Variants in ZC3H7B observed in about 807,000 individuals in gnomAD.
ZC3H7B encodes zinc finger CCCH-type containing 7B.
In ZC3H7B, 35 loss-of-function variants were observed where a neutral mutation model predicts 116.0. That is an observed-to-expected ratio of 0.30 (90% CI 0.23 to 0.40). ZC3H7B has a LOEUF of 0.40. Among genes scored for constraint, ZC3H7B ranks in the 10% least tolerant of loss-of-function variants. ZC3H7B has a pLI of 1.00. For missense variants in ZC3H7B, 1,011 were observed against 1,321.5 expected, an observed-to-expected ratio of 0.77 and a Z score of 3.64; for synonymous variants, 502 against 545.6, an observed-to-expected ratio of 0.92 and a Z score of 1.11.
At position 41,302,436 on chromosome 22, in the gene ZC3H7B, C is replaced by A. The variant is rs1019920215; in HGVS notation, c.-7+664C>A. Among the ~76,000 whole-genome samples the A allele has an allele frequency of 6.6e-6, 1 of 152,116 alleles. No individual in the cohort carries two copies. The highest frequency in any genetic ancestry group is 2.4e-5 in the African/African-American group (1 of 41,444). ...AGGGGGGCGTTTCCGGTCGCAGGATCAGTCTCTGGACTTCGAGGCCTGTGG... is the reference window on the plus strand; with the variant it reads ...AGGGGGGCGTTTCCGGTCGCAGGATAAGTCTCTGGACTTCGAGGCCTGTGG... On this transcript the variant is annotated intron_variant, in intron 1 of 22. Transcript: ENST00000352645. The surrounding 1 kb of genome is among the most constrained non-coding windows in gnomAD (Gnocchi z 5.7).
intron 1 of ZC3H7B, among the ~76,000 whole-genome samples, chr22:41,319,231 C>T (rs1207784588): frequency 1.3e-5 from 2 of 152,162 alleles, no homozygotes; most frequent in African/African-American, 2.4e-5. Context: ...GAAACCCCCT[C>T]TCTACTAAAA....
chr22:41,303,365 G>A (rs2035998885), intron 1 of ZC3H7B, among the ~76,000 whole-genome samples: 1 of 152,198 alleles, frequency 6.6e-6, no homozygotes, highest in Non-Finnish European at 1.5e-5. Context: ...GTATAGGTTA[G>A]ACAGGAATGG....
At chr22:41,303,534 G>A (rs2036001714) in intron 1 of ZC3H7B, among the ~76,000 whole-genome samples, 1 of 152,086 alleles carries the variant, frequency 6.6e-6, no homozygotes, top group Admixed American at 6.6e-5. Flanking sequence ...TCACTTTTTA[G>A]TTTATAACAA....
chr22:41,339,309 C>T, intron 9 of ZC3H7B, 118 bp downstream of exon 9: 1 of 1,242,950 alleles, frequency 8.0e-7, no homozygotes. Context: ...GAGGAGGCCT[C>T]AGTAGGGACT....
intron 2 of ZC3H7B, among the ~76,000 whole-genome samples, chr22:41,322,746 C>T (rs1455729322): frequency 6.6e-6 from 1 of 152,102 alleles, no homozygotes; most frequent in African/African-American, 2.4e-5. Context: ...CCTCTATGTT[C>T]CCTTATATAC....
At chr22:41,306,097 C>T (rs1463920804) in intron 1 of ZC3H7B, among the ~76,000 whole-genome samples, 1 of 152,148 alleles carries the variant, frequency 6.6e-6, no homozygotes, top group Admixed American at 6.6e-5. Flanking sequence ...TCACCTGGTA[C>T]AGCCACAGTC....
In ZC3H7B at chr22:41,357,598, C is replaced by A; in HGVS notation, c.*169C>A. 1 of 966,200 alleles carries A rather than the reference C, an allele frequency of 1.0e-6. No individual in the cohort carries two copies. Among genetic ancestry groups the A allele is most frequent in the Non-Finnish European group, 1.5e-6 (1 of 673,866 alleles). 59.9% of individuals were successfully genotyped at this position (966,200 alleles called of 1,614,324 possible). The stretch of plus-strand genomic sequence containing the variant: ...TTCTCCCCACCACCGCCCCGGTGTG[C>A]GTACCCAGGCGCACGTGCTGCAGCC... On this transcript the variant is annotated 3_prime_UTR_variant, in exon 23 of 23. Coordinates refer to ENST00000352645, the MANE Select transcript of ZC3H7B (RefSeq NM_017590.6). The surrounding 1 kb of genome is among the most constrained non-coding windows in gnomAD (Gnocchi z 5.4).
At chr22:41,309,611 G>A (rs1258824275) in intron 1 of ZC3H7B, among the ~76,000 whole-genome samples, 1 of 152,098 alleles carries the variant, frequency 6.6e-6, no homozygotes, top group African/African-American at 2.4e-5. Flanking sequence ...CACCGCATCC[G>A]GCCCTAATGT....
At chr22:41,332,402 C>A in intron 7 of ZC3H7B, 175 bp downstream of exon 7, 1 of 763,902 alleles carries the variant, frequency 1.3e-6, no homozygotes, top group Admixed American at 2.5e-5. Flanking sequence ...CTGCTGTTGG[C>A]AGGGAGTGGT....
intron 1 of ZC3H7B, among the ~76,000 whole-genome samples, 176 bp downstream of exon 1, chr22:41,301,948 CA>C (rs2035971380): frequency 6.6e-6 from 1 of 151,898 alleles, no homozygotes; most frequent in South Asian, 2.1e-4. Flanking sequence ...TGGGATTTTG[CA>C]AAAAATAAAT....
Position 41,302,418 on chromosome 22 carries a change from C to A in ZC3H7B, c.-7+646C>A, listed in dbSNP as rs889598432. On this transcript the variant is annotated intron_variant, in intron 1 of 22. Coordinates refer to ENST00000352645, the MANE Select transcript of ZC3H7B (RefSeq NM_017590.6). This position sits in a 1 kb window ranked among gnomAD's most constrained non-coding sequence, Gnocchi z 5.7. ...GGTCTGGGCCTGCTGGGCAGGGGGGCGTTTCCGGTCGCAGGATCAGTCTCT... is the reference window on the plus strand; with the variant it reads ...GGTCTGGGCCTGCTGGGCAGGGGGGAGTTTCCGGTCGCAGGATCAGTCTCT... Among the ~76,000 whole-genome samples, 1 of 152,038 alleles carries A rather than the reference C, an allele frequency of 6.6e-6. No individual in the cohort carries two copies. The highest frequency in any genetic ancestry group is 1.5e-5 in the Non-Finnish European group (1 of 67,964).
chr22:41,338,209 C>T lies in ZC3H7B; in HGVS notation c.583-104C>T. On this transcript the variant is annotated intron_variant, in intron 7 of 22. Coordinates refer to ENST00000352645, the MANE Select transcript of ZC3H7B (RefSeq NM_017590.6). This position sits in a 1 kb window ranked among gnomAD's most constrained non-coding sequence, Gnocchi z 4.5. ...ATCTCCCCTGGCACTCTAAGTGCTC[C>T]TCGGTGCTGGGTCAACAGCATAGTC... 7.9e-7 allele frequency: 1 copy of T among 1,260,640 alleles called. No individual in the cohort carries two copies. The highest frequency in any genetic ancestry group is 1.1e-6 in the Non-Finnish European group (1 of 897,816). 78.1% of individuals were successfully genotyped at this position (1,260,640 alleles called of 1,614,324 possible).
chr22:41,329,954 G>A lies in ZC3H7B; in HGVS notation c.445-69G>A, dbSNP rs185362051. On this transcript the variant is annotated intron_variant, in intron 5 of 22. Coordinates refer to ENST00000352645, the MANE Select transcript of ZC3H7B (RefSeq NM_017590.6). ...TGACCTCCCTCCGTAGGGCTGCACAGGTGTCCAGGAGCACAGCTTTGTGAG... is the reference window on the plus strand; with the variant it reads ...TGACCTCCCTCCGTAGGGCTGCACAAGTGTCCAGGAGCACAGCTTTGTGAG... 34 of 1,544,610 alleles carry A rather than the reference G, an allele frequency of 2.2e-5. No individual in the cohort carries two copies. The Admixed American group carries it at 5.4e-4, about 25-fold the overall frequency.
At position 41,343,421 on chromosome 22, in the gene ZC3H7B, G is replaced by C. The variant is rs772273218; in HGVS notation, c.1304G>C (p.Arg435Pro). 8.1e-6 allele frequency: 13 copies of C among 1,609,720 alleles called. No individual in the cohort carries two copies. Among genetic ancestry groups the C allele is most frequent in the Non-Finnish European group, 9.3e-6 (11 of 1,177,024 alleles). The change falls in exon 13 of 23, where the codon CGG (arginine) becomes CCG (proline). Residue 435 changes from arginine to proline, a missense_variant. Transcript: ENST00000352645. ...CQLCYPKTGPRAGDYTYREGL... is the reference protein window; with the variant it reads ...CQLCYPKTGPPAGDYTYREGL... ...GTGTCCACCCTGCCCATAGGCCCCCGGGCTGGCGACTACACCTACCGTGAG... is the reference window on the plus strand; with the variant it reads ...GTGTCCACCCTGCCCATAGGCCCCCCGGCTGGCGACTACACCTACCGTGAG...
At position 41,339,722 on chromosome 22, in the gene ZC3H7B, G is replaced by C. The variant is rs955604252; in HGVS notation, c.817-94G>C. ...GGGACAGGATGAAGCCAGGCGACAG[G>C]GTGCAGGTCTCCTTGCTTCCCCAAG... On this transcript the variant is annotated intron_variant, in intron 9 of 22. Transcript: ENST00000352645. 64 of 1,208,870 alleles carry C rather than the reference G, an allele frequency of 5.3e-5. No individual in the cohort carries two copies. In the South Asian group the frequency reaches 9.3e-4, roughly 17 times the overall value. The allele number at this position is 1,208,870 out of a possible 1,614,324, so 74.9% of individuals were successfully genotyped here.
intron 1 of ZC3H7B, among the ~76,000 whole-genome samples, chr22:41,306,304 G>T (rs2145893288): frequency 6.6e-6 from 1 of 151,984 alleles, no homozygotes; most frequent in Non-Finnish European, 1.5e-5. Flanking sequence ...TATTAATTTA[G>T]TAATCACTGA....
At chr22:41,334,337 C>T (rs972492637) in intron 7 of ZC3H7B, 42 of 152,394 alleles carry the variant, frequency 2.8e-4, no homozygotes, top group Admixed American at 6.5e-4. Context: ...GATTGAATGA[C>T]TGCGGCCAGG....
intron 1 of ZC3H7B, among the ~76,000 whole-genome samples, chr22:41,313,616 T>C (rs2145901605): frequency 6.6e-6 from 1 of 152,280 alleles, no homozygotes; most frequent in Non-Finnish European, 1.5e-5. Flanking sequence ...TCAAAGATGA[T>C]TCCAGTTTAC....
chr22:41,331,886 T>C (rs1007453582), intron 6 of ZC3H7B, among the ~76,000 whole-genome samples: 1 of 151,874 alleles, frequency 6.6e-6, no homozygotes, highest in African/African-American at 2.4e-5. Context: ...AATTAACAAA[T>C]AAAAAAATAG....
Sources: gnomAD v4.1 joint callset for allele counts (sites outside exome capture counted in the v4.1 genomes callset) on GRCh38, gnomAD v4.1.1 for gene constraint, Gnocchi (gnomAD v3.1) non-coding constraint, MANE v1.5 for transcripts, NCBI Gene and HGNC (gene_info 2026-07-23, HGNC 2026-07-21) for gene names.